The following MOSMO variants were observed in gnomAD, a reference collection of about 807,000 sequenced individuals.
MOSMO encodes modulator of smoothened protein.
Under a neutral mutation model 18.4 loss-of-function variants are expected in MOSMO, and 5 were observed. The ratio of observed to expected loss-of-function variants is 0.27; its 90% confidence interval spans 0.14 to 0.57. The LOEUF is 0.57. Among genes scored for constraint, MOSMO ranks in the 20% least tolerant of loss-of-function variants. The pLI is 0.92. For missense variants in MOSMO, 138 were observed against 211.8 expected (o/e 0.65, Z 2.16); for synonymous variants, 82 against 82.3 (o/e 1.00, Z 0.02).
At chr16:22,029,714 G>A (rs184902138) in intron 1 of MOSMO, among the ~76,000 whole-genome samples, 124 of 152,150 alleles carry the variant, frequency 8.1e-4, no homozygotes, top group African/African-American at 2.9e-3. Context: ...CAGCCTTGAC[G>A]CCCTAGGCTC....
chr16:22,054,402 A>C (rs1900492942), intron 1 of MOSMO, among the ~76,000 whole-genome samples: 1 of 152,190 alleles, frequency 6.6e-6, no homozygotes. Context: ...AGCCAGGAAG[A>C]CAAATTTTTG....
chr16:22,043,267 C>T (rs1306469030), intron 1 of MOSMO, among the ~76,000 whole-genome samples: 2 of 152,114 alleles, frequency 1.3e-5, no homozygotes, highest in Non-Finnish European at 2.9e-5. Flanking sequence ...TTATGAATAG[C>T]AAGAATTTTA....
At chr16:22,023,999 A>ATATATATATATATATATG (rs938604051) in intron 1 of MOSMO, among the ~76,000 whole-genome samples, 5 of 145,136 alleles carry the variant, frequency 3.4e-5, no homozygotes, top group African/African-American at 1.3e-4. Context: ...TGTACAAATT[A>ATATATATATATATATATG]TATATATATA....
chr16:22,047,283 C>T (rs551842803), intron 1 of MOSMO, among the ~76,000 whole-genome samples: 6 of 135,054 alleles, frequency 4.4e-5, no homozygotes, highest in South Asian at 4.8e-4. Flanking sequence ...CTTGCTCTGT[C>T]GCCAAGGCTG....
chr16:22,078,073 A>G lies in MOSMO; in HGVS notation c.319+2374A>G, dbSNP rs773145691. Among the ~76,000 whole-genome samples, 7 of 152,096 alleles carry G rather than the reference A, an allele frequency of 4.6e-5. No homozygotes were observed. In the South Asian group the frequency reaches 1.2e-3, roughly 27 times the overall value. On this transcript the variant is annotated intron_variant, in intron 2 of 2. Coordinates refer to ENST00000542527, the MANE Select transcript of MOSMO (RefSeq NM_001164579.2). ...AGCCCCCACATGATGGGGGTTCCCT[A>G]TGGGGGCAAGAGAAACCAAGATGAG... is the stretch of plus-strand genomic sequence containing the variant.
intron 1 of MOSMO, among the ~76,000 whole-genome samples, chr16:22,046,358 G>T (rs1408541336): frequency 6.6e-6 from 1 of 152,134 alleles, no homozygotes; most frequent in Non-Finnish European, 1.5e-5. Flanking sequence ...GCCCCTGGGG[G>T]AAATAGGGTT....
rs1203229747 is a variant in MOSMO at position 22,083,416 on chromosome 16, T to G, written c.*2536T>G. 1 of 257,724 alleles carries G rather than the reference T, an allele frequency of 3.9e-6. No homozygotes were observed. The highest frequency in any genetic ancestry group is 7.4e-6 in the Non-Finnish European group (1 of 134,826). The allele number at this position is 257,724 out of a possible 1,614,324, so 16.0% of individuals were successfully genotyped here. The stretch of plus-strand genomic sequence containing the variant: ...TCTAACCCAGGATTAAACCATCCCA[T>G]CAAGTAGTATGTGAAGTCAAGTCTT... On this transcript the variant is annotated 3_prime_UTR_variant, in exon 3 of 3. Transcript: ENST00000542527.
intron 1 of MOSMO, among the ~76,000 whole-genome samples, chr16:22,048,505 C>T (rs1449269342): frequency 6.6e-6 from 1 of 152,070 alleles, no homozygotes; most frequent in Admixed American, 6.5e-5. Context: ...AATTTGATGG[C>T]CCCAAAAATG....
At chr16:22,075,311 A>C (rs751476795) in intron 1 of MOSMO, 176 bp from the exon 2 acceptor site, 5 of 698,714 alleles carry the variant, frequency 7.2e-6, no homozygotes, top group Non-Finnish European at 1.3e-5. Flanking sequence ...TTGTATGTTA[A>C]ACTAAGTATT....
intron 2 of MOSMO, among the ~76,000 whole-genome samples, chr16:22,079,230 T>C (rs1901031801): frequency 6.6e-6 from 1 of 152,200 alleles, no homozygotes; most frequent in Non-Finnish European, 1.5e-5. Context: ...ACTCTGTTAG[T>C]ATTGCTGGGG....
chr16:22,072,540 G>A (rs907480434), intron 1 of MOSMO, among the ~76,000 whole-genome samples: 2 of 152,144 alleles, frequency 1.3e-5, no homozygotes, highest in Non-Finnish European at 2.9e-5. Context: ...GGCTGGGTGC[G>A]GTGGCTCACG....
chr16:22,025,121 C>G (rs1899849846), intron 1 of MOSMO, among the ~76,000 whole-genome samples: 1 of 151,356 alleles, frequency 6.6e-6, no homozygotes, highest in Admixed American at 6.6e-5. Context: ...CCACTGTACT[C>G]CAGCCTGGGC....
At chr16:22,070,439 A>C (rs1420544719) in intron 1 of MOSMO, among the ~76,000 whole-genome samples, 1 of 152,186 alleles carries the variant, frequency 6.6e-6, no homozygotes, top group Admixed American at 6.5e-5. Flanking sequence ...CAAGGACTCT[A>C]GGCTGGGTAG....
At chr16:22,036,792 G>T (rs934446073) in intron 1 of MOSMO, among the ~76,000 whole-genome samples, 2 of 152,054 alleles carry the variant, frequency 1.3e-5, no homozygotes, top group Admixed American at 1.3e-4. Context: ...TTTTCTGAAG[G>T]GCCTTTTACA....
chr16:22,029,621 T>G, intron 1 of MOSMO, among the ~76,000 whole-genome samples: 1 of 152,306 alleles, frequency 6.6e-6, no homozygotes, highest in East Asian at 1.9e-4. Flanking sequence ...ATTAATTAAC[T>G]AATTTATTTA....
intron 1 of MOSMO, among the ~76,000 whole-genome samples, chr16:22,057,408 T>C (rs2141754830): frequency 6.6e-6 from 1 of 152,348 alleles, no homozygotes; most frequent in African/African-American, 2.4e-5. Flanking sequence ...AATCTGCTTA[T>C]AAGAGTGGAG....
In MOSMO at chr16:22,072,708, A is replaced by T. The variant is rs560761018; in HGVS notation, c.107-2779A>T. ...GCGCCTGTCGTCCCAGCAGCTCGGGAGGCTGAGGCAGGAGAATGGCGTGAA... is the reference window on the plus strand; with the variant it reads ...GCGCCTGTCGTCCCAGCAGCTCGGGTGGCTGAGGCAGGAGAATGGCGTGAA... On this transcript the variant is annotated intron_variant, in intron 1 of 2. Transcript: ENST00000542527. Among the ~76,000 whole-genome samples, 1,267 of 151,438 alleles carry T rather than the reference A, an allele frequency of 8.4e-3. 10 individuals are homozygous for T. The highest frequency in any genetic ancestry group is 0.044 in the Middle Eastern group (13 of 294).
chr16:22,070,907 C>T (rs1159120279), intron 1 of MOSMO, among the ~76,000 whole-genome samples: 1 of 152,160 alleles, frequency 6.6e-6, no homozygotes, highest in Non-Finnish European at 1.5e-5. Flanking sequence ...GGTCTTTCCC[C>T]TTCCTGCTCC....
rs1352008287 is a variant in MOSMO at position 22,083,287 on chromosome 16, T to C, written c.*2407T>C. 6.5e-6 allele frequency: 1 copy of C among 152,858 alleles called. No homozygotes were observed. The highest frequency in any genetic ancestry group is 2.4e-5 in the African/African-American group (1 of 41,466). The allele number at this position is 152,858 out of a possible 1,614,324, so 9.5% of individuals were successfully genotyped here. The stretch of plus-strand genomic sequence containing the variant: ...ATTACAAAATTTAAGGTTTTATTTG[T>C]ATCTATTACCCAAACCATTAAATTG... On this transcript the variant is annotated 3_prime_UTR_variant, in exon 3 of 3. Transcript: ENST00000542527.
Sources: gnomAD v4.1 joint callset for allele counts (sites outside exome capture counted in the v4.1 genomes callset) on GRCh38, gnomAD v4.1.1 for gene constraint, MANE v1.5 for transcripts, NCBI Gene and HGNC (gene_info 2026-07-23, HGNC 2026-07-21) for gene names.